Variants in ZBTB20 observed in about 807,000 individuals in gnomAD.
ZBTB20 encodes the protein zinc finger and BTB domain containing 20.
ZBTB20 carries 9 observed loss-of-function variants against 56.9 expected under a neutral mutation model. That is an observed-to-expected ratio of 0.16 (90% CI 0.10 to 0.28). The LOEUF (loss-of-function observed/expected upper bound fraction) is 0.28. Among genes scored for constraint, ZBTB20 ranks in the 10% least tolerant of loss-of-function variants. The pLI is 1.00. For synonymous variants in ZBTB20, 417 were observed against 420.7 expected (o/e 0.99, Z 0.11); for missense variants, 655 against 1,003.0 (o/e 0.65, Z 4.69).
At chr3:114,372,835 C>A (rs919526450) in intron 10 of ZBTB20, among the ~76,000 whole-genome samples, 1 of 151,998 alleles carries the variant, frequency 6.6e-6, no homozygotes, top group African/African-American at 2.4e-5. Context: ...CAGAGCCAGA[C>A]CCTGTTTAAA....
chr3:114,889,586 GAGTGAATAAAAAATA>G (rs1560366389), intron 4 of ZBTB20, among the ~76,000 whole-genome samples: 1 of 152,006 alleles, frequency 6.6e-6, no homozygotes, highest in Non-Finnish European at 1.5e-5. Context: ...TTAAATGAAT[GAGTGAATAAAAAATA>G]AATCATAAAA....
At chr3:114,620,435 C>A (rs9849945) in intron 6 of ZBTB20, among the ~76,000 whole-genome samples, 1 of 151,946 alleles carries the variant, frequency 6.6e-6, no homozygotes, top group Admixed American at 6.6e-5. Flanking sequence ...TAGGATTACA[C>A]GCATGCGCCA....
intron 10 of ZBTB20, among the ~76,000 whole-genome samples, chr3:114,365,780 C>A (rs1245309246): frequency 6.6e-6 from 1 of 152,110 alleles, no homozygotes; most frequent in Non-Finnish European, 1.5e-5. Context: ...AAAACAGGCA[C>A]CAGATTATAC....
chr3:114,997,308 G>C (rs765920691), intron 2 of ZBTB20, among the ~76,000 whole-genome samples: 25 of 151,664 alleles, frequency 1.6e-4, no homozygotes, highest in African/African-American at 5.8e-4. Context: ...TGATTAAAAC[G>C]TTCTGGAATT....
chr3:115,140,966 G>C (rs2084796730), intron 1 of ZBTB20, among the ~76,000 whole-genome samples: 1 of 152,086 alleles, frequency 6.6e-6, no homozygotes, highest in African/African-American at 2.4e-5. Context: ...ATACTGTCAA[G>C]AATGGATTTT....
chr3:114,762,337 C>T (rs2068498391), intron 5 of ZBTB20, among the ~76,000 whole-genome samples: 1 of 152,166 alleles, frequency 6.6e-6, no homozygotes, highest in South Asian at 2.1e-4. Context: ...CAGCTAACTG[C>T]CAGCATTTGC....
In ZBTB20 at chr3:114,616,131, T is replaced by C. The variant is rs992445639; in HGVS notation, c.-295+77397A>G. Among the ~76,000 whole-genome samples the C allele has an allele frequency of 2.4e-4, 36 of 152,242 alleles. 1 individual carries two copies. Among genetic ancestry groups the C allele is most frequent in the African/African-American group, 8.7e-4 (36 of 41,474 alleles). ...CAGTGAACACAGACGCATGCCCTGATGTGAACTGGGCACTCCAGTACTTCA... is the reference window on the plus strand; with the variant it reads ...CAGTGAACACAGACGCATGCCCTGACGTGAACTGGGCACTCCAGTACTTCA... On this transcript the variant is annotated intron_variant, in intron 6 of 11. Transcript: ENST00000675478.
chr3:115,009,052 T>G (rs896593385), intron 2 of ZBTB20, among the ~76,000 whole-genome samples: 1 of 151,954 alleles, frequency 6.6e-6, no homozygotes, highest in South Asian at 2.1e-4. Context: ...CATATTTTTA[T>G]GAATTATGTT....
intron 6 of ZBTB20, among the ~76,000 whole-genome samples, chr3:114,510,861 T>A (rs2045284167): frequency 6.6e-6 from 1 of 152,084 alleles, no homozygotes; most frequent in Admixed American, 6.6e-5. Context: ...GAGAGCTCCT[T>A]CCCTATCCCG....
chr3:114,402,776 TC>T (rs1285144264), intron 7 of ZBTB20, among the ~76,000 whole-genome samples: 1 of 152,144 alleles, frequency 6.6e-6, no homozygotes, highest in African/African-American at 2.4e-5. Context: ...ACAAAGGCTT[TC>T]CCCCCTAGCT....
chr3:114,921,344 A>C (rs1328123761), intron 3 of ZBTB20, among the ~76,000 whole-genome samples: 2 of 151,758 alleles, frequency 1.3e-5, no homozygotes, highest in Non-Finnish European at 2.9e-5. Context: ...GCTGGTCTCA[A>C]CCTCCAGAAT....
intron 7 of ZBTB20, among the ~76,000 whole-genome samples, chr3:114,395,568 G>A (rs2086263795): frequency 1.3e-5 from 2 of 152,260 alleles, no homozygotes; most frequent in African/African-American, 4.8e-5. Flanking sequence ...AAATTCCCAA[G>A]TCTACGTCAC....
At chr3:114,931,636 AATT>A (rs1295329502) in intron 3 of ZBTB20, among the ~76,000 whole-genome samples, 3 of 152,104 alleles carry the variant, frequency 2.0e-5, no homozygotes, top group Non-Finnish European at 4.4e-5. Flanking sequence ...GGGTTTTTAA[AATT>A]ATTTTTACCT....
At chr3:114,790,950 C>G (rs1432627565) in intron 5 of ZBTB20, among the ~76,000 whole-genome samples, 2 of 152,066 alleles carry the variant, frequency 1.3e-5, no homozygotes, top group Admixed American at 1.3e-4. Context: ...GACTCAAAAA[C>G]AAATTTCCAA....
At chr3:114,873,588 G>A (rs2076087650) in intron 4 of ZBTB20, among the ~76,000 whole-genome samples, 1 of 152,060 alleles carries the variant, frequency 6.6e-6, no homozygotes, top group African/African-American at 2.4e-5. Flanking sequence ...GAATCATTAA[G>A]GAATTAAGGA....
chr3:114,371,846 C>T (rs144925877), intron 10 of ZBTB20, among the ~76,000 whole-genome samples: 2 of 151,186 alleles, frequency 1.3e-5, no homozygotes, highest in East Asian at 3.9e-4. Flanking sequence ...TCTTGCACTG[C>T]TGATAAAAAG....
intron 6 of ZBTB20, among the ~76,000 whole-genome samples, chr3:114,648,974 G>A (rs776755875): frequency 4.6e-5 from 7 of 151,906 alleles, no homozygotes; most frequent in African/African-American, 9.7e-5. Context: ...TGACCTATAC[G>A]TTACTAAATA....
chr3:114,793,054 T>A (rs1298856379), intron 5 of ZBTB20, among the ~76,000 whole-genome samples: 1 of 151,768 alleles, frequency 6.6e-6, no homozygotes, highest in Admixed American at 6.6e-5. Context: ...TTTTTTTATA[T>A]TTTTTAGTAG....
chr3:114,322,104 T>A lies in ZBTB20; in HGVS notation c.*16901A>T, dbSNP rs1241142478. 6.6e-6 allele frequency: 1 copy of A among 152,258 alleles called. No homozygotes were observed. The highest frequency in any genetic ancestry group is 2.4e-5 in the African/African-American group (1 of 41,456). The allele number at this position is 152,258 out of a possible 1,614,324, so 9.4% of individuals were successfully genotyped here. A position where few individuals can be genotyped will look rare whatever the true frequency, so the allele number is the denominator to read the frequency against. ...TGACTCTCCCACCGGTCACTGCTGT[T>A]GGCTCTGGCCATACAGAACCCTGAT... On this transcript the variant is annotated 3_prime_UTR_variant, in exon 12 of 12. Transcript: ENST00000675478.
Sources: gnomAD v4.1 joint callset for allele counts (sites outside exome capture counted in the v4.1 genomes callset) on GRCh38, gnomAD v4.1.1 for gene constraint, MANE v1.5 for transcripts, NCBI Gene and HGNC (gene_info 2026-07-23, HGNC 2026-07-21) for gene names.